ANKRD46: variants seen among roughly 807,000 people sequenced by gnomAD.
ANKRD46 encodes the protein ankyrin repeat domain 46, also known as ankyrin repeat domain-containing protein 46.
In ANKRD46, 13 loss-of-function variants were observed where a neutral mutation model predicts 19.8. The observed-to-expected ratio is 0.66, with a 90% confidence interval of 0.43 to 1.04. The LOEUF (loss-of-function observed/expected upper bound fraction) is 1.04, where lower values mean the gene tolerates loss of function less well. Ranked by LOEUF, ANKRD46 falls within the 50% of genes least tolerant of loss-of-function variation. ANKRD46 has a pLI of 0.00. For synonymous variants in ANKRD46, 91 were observed against 106.9 expected, an observed-to-expected ratio of 0.85 and a Z score of 0.92; for missense variants, 185 against 274.8, an observed-to-expected ratio of 0.67 and a Z score of 2.31.
chr8:100,519,466 T>C (rs75257622), downstream of ANKRD46, among the ~76,000 whole-genome samples: 985 of 152,304 alleles, frequency 6.5e-3, 8 homozygotes, highest in Non-Finnish European at 0.012. Context: ...CAACCCTACC[T>C]TTTTATGTAA....
rs1812256911 is a variant in ANKRD46 at position 100,545,561 on chromosome 8, C to T, written c.-130-12250G>A. On this transcript the variant is annotated intron_variant, in intron 1 of 4. Coordinates refer to ENST00000335659, the MANE Select transcript of ANKRD46 (RefSeq NM_001270377.2). This position sits in a 1 kb window ranked among gnomAD's most constrained non-coding sequence, Gnocchi z 4.7. Reference sequence around the variant, plus strand: ...AACCTTTTGTTTATAAATTACCCAGCCTCAAGTAGTAACTTTATAGCAGTG... The same window carrying T: ...AACCTTTTGTTTATAAATTACCCAGTCTCAAGTAGTAACTTTATAGCAGTG... Among the ~76,000 whole-genome samples the T allele has an allele frequency of 6.6e-6, 1 of 152,154 alleles. No homozygotes were observed. Among genetic ancestry groups the T allele is most frequent in the African/African-American group, 2.4e-5 (1 of 41,434 alleles).
At chr8:100,556,345 G>C (rs1177195331) in intron 1 of ANKRD46, among the ~76,000 whole-genome samples, 1 of 152,140 alleles carries the variant, frequency 6.6e-6, no homozygotes, top group African/African-American at 2.4e-5. Flanking sequence ...TATGGGCTCT[G>C]AAATGTACTA....
chr8:100,523,750 C>A (rs1351637996), intron 4 of ANKRD46, among the ~76,000 whole-genome samples: 1 of 152,032 alleles, frequency 6.6e-6, no homozygotes, highest in Admixed American at 6.5e-5. Flanking sequence ...CTCAAGCAAT[C>A]CTCCTGCCTC....
chr8:100,531,128 A>T (rs1811954726), intron 2 of ANKRD46, among the ~76,000 whole-genome samples: 1 of 152,198 alleles, frequency 6.6e-6, no homozygotes, highest in South Asian at 2.1e-4. Context: ...TTCATTTAAG[A>T]AAGAGTTAAA....
At position 100,559,724 on chromosome 8, in the gene ANKRD46, G is replaced by C. The variant is rs1046354024; in HGVS notation, c.-144C>G. 1 of 153,302 alleles carries C rather than the reference G, an allele frequency of 6.5e-6. No individual in the cohort carries two copies. The highest frequency in any genetic ancestry group is 2.4e-5 in the African/African-American group (1 of 41,482). The allele number at this position is 153,302 out of a possible 1,614,324, so 9.5% of individuals were successfully genotyped here. A position where few individuals can be genotyped will look rare whatever the true frequency, so the allele number is the denominator to read the frequency against. On this transcript the variant is annotated 5_prime_UTR_variant, in exon 1 of 5. Coordinates refer to ENST00000335659, the MANE Select transcript of ANKRD46 (RefSeq NM_001270377.2). The surrounding 1 kb of genome is among the most constrained non-coding windows in gnomAD (Gnocchi z 6.0). ...CGGGCCAAGTACCTGCGACTCGAAC[G>C]AGCAGCAGCGACAGCGGCAGCTTCA...
chr8:100,541,932 A>T (rs1000280380), intron 1 of ANKRD46, among the ~76,000 whole-genome samples: 1 of 152,194 alleles, frequency 6.6e-6, no homozygotes, highest in Admixed American at 6.5e-5. Context: ...GCCTAGGAAC[A>T]ACAGGCCATA....
intron 1 of ANKRD46, among the ~76,000 whole-genome samples, chr8:100,555,891 T>C (rs1812490131): frequency 1.3e-5 from 2 of 152,128 alleles, no homozygotes; most frequent in African/African-American, 4.8e-5. Context: ...ATGGCTGTAT[T>C]TGCTATGGAA....
chr8:100,517,548 C>A (rs1302363631), downstream of ANKRD46, among the ~76,000 whole-genome samples: 1 of 152,144 alleles, frequency 6.6e-6, no homozygotes, highest in South Asian at 2.1e-4. Context: ...AAATCTCTGT[C>A]CCCAGGTGAA....
chr8:100,515,937 T>A (rs1811624500), downstream of ANKRD46, among the ~76,000 whole-genome samples: 1 of 151,756 alleles, frequency 6.6e-6, no homozygotes, highest in Non-Finnish European at 1.5e-5. Context: ...AATGGCATGA[T>A]CTCAGCTCAC....
chr8:100,551,211 G>T, intron 1 of ANKRD46: 2 of 453,294 alleles, frequency 4.4e-6, no homozygotes, highest in Non-Finnish European at 8.3e-6. Flanking sequence ...CTTCCACAAT[G>T]CCAAAGTTGT....
At position 100,532,421 on chromosome 8, in the gene ANKRD46, A is replaced by AT. The variant is rs1394285950; in HGVS notation, c.-28+787dup. On this transcript the variant is annotated intron_variant, in intron 2 of 4. Transcript: ENST00000335659. The surrounding 1 kb of genome is among the most constrained non-coding windows in gnomAD (Gnocchi z 4.7). ...GAGGTCGAGGTTGCGATGAGCTGTG[A>AT]TTGAGCCACAGCACTCCAGCCTGGG... The AT allele has an allele frequency of 1.3e-5, 2 of 152,116 alleles. No homozygotes were observed. Among genetic ancestry groups the AT allele is most frequent in the Admixed American group, 1.3e-4 (2 of 15,260 alleles). 9.4% of individuals were successfully genotyped at this position (152,116 alleles called of 1,614,324 possible).
intron 1 of ANKRD46, among the ~76,000 whole-genome samples, chr8:100,540,527 G>C (rs1043641714): frequency 1.3e-5 from 2 of 152,112 alleles, no homozygotes; most frequent in African/African-American, 4.8e-5. Context: ...TAAATTCTTA[G>C]ACTCATCATT....
Position 100,557,311 on chromosome 8 carries a change from G to T in ANKRD46, c.-131+2400C>A, listed in dbSNP as rs540422767. Among the ~76,000 whole-genome samples the T allele has an allele frequency of 6.6e-6, 1 of 152,204 alleles. No individual in the cohort carries two copies. The highest frequency in any genetic ancestry group is 1.5e-5 in the Non-Finnish European group (1 of 68,038). ...CCAATAGCTCAGGCCAAAGGCCACA[G>T]GGTCGTGCTTCACCCTTTCTCTCAT... On this transcript the variant is annotated intron_variant, in intron 1 of 4. Coordinates refer to ENST00000335659, the MANE Select transcript of ANKRD46 (RefSeq NM_001270377.2). The surrounding 1 kb of genome is among the most constrained non-coding windows in gnomAD (Gnocchi z 5.9).
rs1202991758 is a variant in ANKRD46 at position 100,531,439 on chromosome 8, T to C, written c.-27-1579A>G. 3.3e-5 allele frequency among the ~76,000 whole-genome samples: 5 copies of C among 152,242 alleles called. No individual in the cohort carries two copies. The East Asian group carries it at 5.8e-4, about 18-fold the overall frequency. ...TCAACTTGGCTTCTCAGCAGAGCCA[T>C]TGTCCCAAAATCTGGGGCTGCCTTA... On this transcript the variant is annotated intron_variant, in intron 2 of 4. Coordinates refer to ENST00000335659, the MANE Select transcript of ANKRD46 (RefSeq NM_001270377.2).
At chr8:100,531,674 T>C (rs893263015) in intron 2 of ANKRD46, among the ~76,000 whole-genome samples, 3 of 152,142 alleles carry the variant, frequency 2.0e-5, no homozygotes, top group South Asian at 2.1e-4. Context: ...GACAGGTTCT[T>C]GCTCTGTCAC....
intron 1 of ANKRD46, among the ~76,000 whole-genome samples, 194 bp from the exon 2 acceptor site, chr8:100,533,505 T>G (rs973886877): frequency 1.3e-5 from 2 of 152,190 alleles, no homozygotes; most frequent in African/African-American, 2.4e-5. Context: ...AAGGGCTTAA[T>G]AGAAGCTGCT....
rs866707384 is a variant in ANKRD46, at chr8:100,522,916, T to C, written c.471-145A>G. ...ACACACACACACACATATATATATA[T>C]ACACACTCTTACATGCTTACGTATC... On this transcript the variant is annotated intron_variant, in intron 4 of 4. Coordinates refer to ENST00000335659, the MANE Select transcript of ANKRD46 (RefSeq NM_001270377.2). 9.9e-4 allele frequency: 491 copies of C among 494,592 alleles called. 8 individuals carry two copies. In the South Asian group the frequency reaches 0.011, roughly 11 times the overall value. The allele number at this position is 494,592 out of a possible 1,614,324, so 30.6% of individuals were successfully genotyped here. A position where few individuals can be genotyped will look rare whatever the true frequency, so the allele number is the denominator to read the frequency against.
chr8:100,544,389 A>G lies in ANKRD46; in HGVS notation c.-130-11078T>C, dbSNP rs929043936. On this transcript the variant is annotated intron_variant, in intron 1 of 4. Transcript: ENST00000335659. The surrounding 1 kb of genome is among the most constrained non-coding windows in gnomAD (Gnocchi z 4.4). ...AGACTATAATCAACATCTAGAAAGA[A>G]GTGAGCATTGGATCAAATCTCAGTG... Among the ~76,000 whole-genome samples the G allele has an allele frequency of 7.2e-5, 11 of 152,256 alleles. No individual in the cohort carries two copies. Among genetic ancestry groups the G allele is most frequent in the African/African-American group, 2.7e-4 (11 of 41,468 alleles).
downstream of ANKRD46, among the ~76,000 whole-genome samples, chr8:100,518,178 G>A (rs1056305428): frequency 6.6e-6 from 1 of 152,138 alleles, no homozygotes. Context: ...GTGAAAGAGT[G>A]AGACTCTGTC....
Sources: allele counts gnomAD v4.1 joint callset (sites outside exome capture counted in the v4.1 genomes callset), GRCh38; gene constraint gnomAD v4.1.1; non-coding constraint Gnocchi (gnomAD v3.1); transcripts MANE v1.5; gene names NCBI Gene and HGNC (gene_info 2026-07-23, HGNC 2026-07-21).